Variants in OSGEPL1 observed in about 807,000 individuals in gnomAD.
OSGEPL1 encodes tRNA N6-adenosine threonylcarbamoyltransferase, mitochondrial.
OSGEPL1 carries 26 observed loss-of-function variants against 37.2 expected under a neutral mutation model. The observed-to-expected ratio is 0.70, with a 90% CI of 0.51 to 0.97. The LOEUF (loss-of-function observed/expected upper bound fraction) is 0.97, where lower values mean the gene tolerates loss of function less well. OSGEPL1 is among the 50% of genes least tolerant of loss of function. The probability of loss-of-function intolerance (pLI) is 0.00; values close to 1 mark genes in which losing one functional copy is unlikely to be tolerated. For missense variants in OSGEPL1, 404 were observed against 487.0 expected (o/e 0.83, Z 1.60); for synonymous variants, 140 against 159.9 (o/e 0.88, Z 0.94).
rs760802636 is a variant in OSGEPL1 at position 189,750,559 on chromosome 2, C to CT, written c.*18dup. 4.3e-5 allele frequency: 62 copies of CT among 1,437,616 alleles called. No homozygotes were observed. In the East Asian group the frequency reaches 1.4e-3, roughly 33 times the overall value. The allele number at this position is 1,437,616 out of a possible 1,614,324, so 89.1% of individuals were successfully genotyped here. A position where few individuals can be genotyped will look rare whatever the true frequency, so the allele number is the denominator to read the frequency against. On this transcript the variant is annotated 3_prime_UTR_variant, in exon 8 of 9. Coordinates refer to ENST00000264151, the MANE Select transcript of OSGEPL1 (RefSeq NM_022353.3). The stretch of plus-strand genomic sequence containing the variant: ...TTAACCTTAATACTACCTTTAGGGA[C>CT]TTTTTTGAACAGCAGAAATCATATC...
In OSGEPL1 at chr2:189,752,838, C is replaced by A; in HGVS notation, c.1094+11G>T. 6.2e-7 allele frequency: 1 copy of A among 1,613,480 alleles called. No individual in the cohort carries two copies. Among genetic ancestry groups the A allele is most frequent in the Non-Finnish European group, 8.5e-7 (1 of 1,179,664 alleles). Reference sequence around the variant, plus strand: ...TAGTTATGAGTGAAGCACGTATATCCTGTGGCTTACCATGCAATCATAATG... The same window carrying A: ...TAGTTATGAGTGAAGCACGTATATCATGTGGCTTACCATGCAATCATAATG... On this transcript the variant is annotated intron_variant, in intron 6 of 8. Coordinates refer to ENST00000264151, the MANE Select transcript of OSGEPL1 (RefSeq NM_022353.3).
intron 2 of OSGEPL1, among the ~76,000 whole-genome samples, chr2:189,758,766 A>G (rs1446552895): frequency 6.6e-6 from 1 of 152,272 alleles, no homozygotes; most frequent in Non-Finnish European, 1.5e-5. Context: ...CTTGGCACTT[A>G]GACTCTACTG....
chr2:189,761,280 G>T, intron 2 of OSGEPL1, 140 bp downstream of exon 2: 1 of 825,610 alleles, frequency 1.2e-6, no homozygotes, highest in Non-Finnish European at 1.8e-6. Context: ...AGTGTTTGAG[G>T]TTTTCTATAG....
At chr2:189,760,065 G>A (rs560684788) in intron 2 of OSGEPL1, among the ~76,000 whole-genome samples, 3 of 152,304 alleles carry the variant, frequency 2.0e-5, no homozygotes, top group South Asian at 2.1e-4. Context: ...CAGAGAGCAC[G>A]GGGTTGGGGG....
chr2:189,761,938 A>G (rs896317990), intron 1 of OSGEPL1, among the ~76,000 whole-genome samples: 14 of 152,366 alleles, frequency 9.2e-5, no homozygotes, highest in Middle Eastern at 3.4e-3. Context: ...ATAAAGTACA[A>G]TAATTGATAG....
intron 8 of OSGEPL1, among the ~76,000 whole-genome samples, chr2:189,748,129 G>A (rs1407591593): frequency 1.3e-5 from 2 of 152,174 alleles, no homozygotes; most frequent in Admixed American, 6.5e-5. Flanking sequence ...TATTTTCCCC[G>A]ATATGTACTT....
rs922313390 is a variant in OSGEPL1, at chr2:189,754,025, A to G, written c.854T>C (p.Ile285Thr). ...CATTGTGTGCTGTACTGTGGCAGCAATGTCTGCTGCTGAAGACAGGATTTG... is the reference window on the plus strand; with the variant it reads ...CATTGTGTGCTGTACTGTGGCAGCAGTGTCTGCTGCTGAAGACAGGATTTG... ...KGQILSSAAD[I>T]AATVQHTMAC... Residue 285 changes from isoleucine (I) to threonine (T), a missense_variant, in exon 5 of 9, where the codon ATT becomes ACT. Ile to Thr is a moderately conservative substitution (Grantham distance 89, BLOSUM62 -1). Coordinates refer to ENST00000264151, the MANE Select transcript of OSGEPL1 (RefSeq NM_022353.3). 7 of 1,613,572 alleles carry G rather than the reference A, an allele frequency of 4.3e-6. No homozygotes were observed. The highest frequency in any genetic ancestry group is 5.9e-6 in the Non-Finnish European group (7 of 1,179,776).
intron 2 of OSGEPL1, among the ~76,000 whole-genome samples, chr2:189,756,027 C>T (rs896055983): frequency 6.6e-6 from 1 of 152,100 alleles, no homozygotes; most frequent in Admixed American, 6.5e-5. Flanking sequence ...TAATAACTAA[C>T]TGAATATAAA....
At chr2:189,750,488 T>C (rs1265893596) in intron 8 of OSGEPL1, 62 bp downstream of exon 8, 3 of 660,722 alleles carry the variant, frequency 4.5e-6, no homozygotes, top group Non-Finnish European at 7.8e-6. Context: ...TAATTAATAT[T>C]ATATATCTTC....
chr2:189,757,536 A>C (rs980279661), intron 2 of OSGEPL1, among the ~76,000 whole-genome samples: 1 of 152,392 alleles, frequency 6.6e-6, no homozygotes, highest in South Asian at 2.1e-4. Context: ...CTTAATATTC[A>C]CAACATTAAT....
At position 189,755,630 on chromosome 2, in the gene OSGEPL1, A is replaced by C. The variant is rs191653364; in HGVS notation, c.222-70T>G. On this transcript the variant is annotated intron_variant, in intron 2 of 8. Transcript: ENST00000264151. ...AATGAAGAAAAATGATATTACAGCT[A>C]AAAGCATGTCTTCAAGTTAATCATT... is the stretch of plus-strand genomic sequence containing the variant. The C allele has an allele frequency of 1.9e-4, 282 of 1,484,444 alleles. 1 individual carries two copies. The African/African-American group carries it at 3.5e-3, about 18-fold the overall frequency. The allele number at this position is 1,484,444 out of a possible 1,614,324, so 92.0% of individuals were successfully genotyped here.
chr2:189,747,733 C>T (rs547637195), intron 8 of OSGEPL1, among the ~76,000 whole-genome samples: 3 of 152,228 alleles, frequency 2.0e-5, no homozygotes, highest in African/African-American at 4.8e-5. Context: ...TGCTCTGTCA[C>T]CCAGGCTGGA....
At chr2:189,750,055 A>G (rs983060071) in intron 8 of OSGEPL1, among the ~76,000 whole-genome samples, 1 of 152,174 alleles carries the variant, frequency 6.6e-6, no homozygotes. Context: ...CCCAGAAGGT[A>G]GAGGTTGCAT....
At chr2:189,759,115 G>T (rs2046560346) in intron 2 of OSGEPL1, among the ~76,000 whole-genome samples, 1 of 152,160 alleles carries the variant, frequency 6.6e-6, no homozygotes, top group Admixed American at 6.5e-5. Context: ...CAAGGACTTT[G>T]CAGTACTTCA....
intron 2 of OSGEPL1, among the ~76,000 whole-genome samples, chr2:189,759,580 A>G (rs2046670264): frequency 6.6e-6 from 1 of 152,158 alleles, no homozygotes; most frequent in East Asian, 1.9e-4. Flanking sequence ...GTGAAAACAG[A>G]ATCAGAGAGG....
Position 189,755,207 on chromosome 2 carries a change from G to A in OSGEPL1, c.575C>T (p.Ser192Phe). Residue 192 changes from serine (S) to phenylalanine (F), a missense_variant, in exon 3 of 9, where the codon TCT becomes TTT. Transcript: ENST00000264151. ...CATGTCACCTGGTGCTATGTCCAAA[G>A]ACTTTCCAAGAAGCAGAAAATCTGA... Reference protein sequence around the residue: ...GVSDFLLLGKSLDIAPGDMLD... With the variant: ...GVSDFLLLGKFLDIAPGDMLD... 6.2e-7 allele frequency: 1 copy of A among 1,611,752 alleles called. No individual in the cohort carries two copies. Among genetic ancestry groups the A allele is most frequent in the South Asian group, 1.1e-5 (1 of 90,606 alleles).
At chr2:189,749,281 A>C (rs1245359459) in intron 8 of OSGEPL1, among the ~76,000 whole-genome samples, 1 of 76,630 alleles carries the variant, frequency 1.3e-5, no homozygotes. Flanking sequence ...TATTTTTATT[A>C]CTCCACGGTT....
At chr2:189,753,890 T>C (rs1274713529) in intron 5 of OSGEPL1, 26 bp downstream of exon 5, 1 of 1,609,022 alleles carries the variant, frequency 6.2e-7, no homozygotes. Flanking sequence ...AGTGTAACTA[T>C]TACTATAAAA....
intron 2 of OSGEPL1, among the ~76,000 whole-genome samples, chr2:189,758,743 T>C (rs1416197397): frequency 6.6e-6 from 1 of 152,222 alleles, no homozygotes; most frequent in Non-Finnish European, 1.5e-5. Flanking sequence ...AATATAGACA[T>C]GGCCCCTGTC....
Sources: allele counts gnomAD v4.1 joint callset (sites outside exome capture counted in the v4.1 genomes callset), GRCh38; gene constraint gnomAD v4.1.1; transcripts MANE v1.5; gene names NCBI Gene and HGNC (gene_info 2026-07-23, HGNC 2026-07-21).